Variants in FLVCR1 observed in about 807,000 individuals in gnomAD.
FLVCR1 encodes choline/ethanolamine transporter FLVCR1.
In FLVCR1, 34 loss-of-function variants were observed where a neutral mutation model predicts 53.6. The observed-to-expected ratio is 0.63, with a 90% CI of 0.48 to 0.84. The LOEUF (loss-of-function observed/expected upper bound fraction) is 0.84. Among genes scored for constraint, FLVCR1 ranks in the 40% least tolerant of loss-of-function variants. The pLI, the probability that FLVCR1 is intolerant of heterozygous loss-of-function variation, is 0.00. For missense variants in FLVCR1, 677 were observed against 696.7 expected, an observed-to-expected ratio of 0.97 and a Z score of 0.32; for synonymous variants, 300 against 286.3, an observed-to-expected ratio of 1.05 and a Z score of -0.48.
chr1:212,873,209 T>C (rs1252163948), intron 3 of FLVCR1, among the ~76,000 whole-genome samples: 4 of 151,110 alleles, frequency 2.6e-5, no homozygotes, highest in African/African-American at 9.7e-5. Flanking sequence ...GCTACTCAGG[T>C]GGCTGAGGCA....
At chr1:212,868,394 A>G (rs1202846536) in intron 2 of FLVCR1, among the ~76,000 whole-genome samples, 1 of 150,552 alleles carries the variant, frequency 6.6e-6, no homozygotes, top group Non-Finnish European at 1.5e-5. Flanking sequence ...TCTTAATTCA[A>G]GATATCTATA....
In FLVCR1 at chr1:212,858,304, G is replaced by A. The variant is rs1664081205; in HGVS notation, c.-149G>A. On this transcript the variant is annotated 5_prime_UTR_variant, in exon 1 of 10. Coordinates refer to ENST00000366971, the MANE Select transcript of FLVCR1 (RefSeq NM_014053.4). ...CTTCATCTGTTCACGCGGTAGCGCGGATTGCGGTTCGCGGCGCGCGCCACC... is the reference window on the plus strand; with the variant it reads ...CTTCATCTGTTCACGCGGTAGCGCGAATTGCGGTTCGCGGCGCGCGCCACC... 1 of 775,062 alleles carries A rather than the reference G, an allele frequency of 1.3e-6. No homozygotes were observed. The highest frequency in any genetic ancestry group is 2.0e-6 in the Non-Finnish European group (1 of 512,626). 48.0% of individuals were successfully genotyped at this position (775,062 alleles called of 1,614,324 possible). A position where few individuals can be genotyped will look rare whatever the true frequency, so the allele number is the denominator to read the frequency against.
chr1:212,879,213 G>T (rs1664853786), intron 3 of FLVCR1, among the ~76,000 whole-genome samples: 1 of 152,150 alleles, frequency 6.6e-6, no homozygotes, highest in African/African-American at 2.4e-5. Flanking sequence ...TTTGTTGAAG[G>T]AATTATAAGG....
rs1665402628 is a variant in FLVCR1 at position 212,898,642 on chromosome 1, G to A, written c.*3352G>A. On this transcript the variant is annotated 3_prime_UTR_variant, in exon 10 of 10. Transcript: ENST00000366971. ...TCTGTATTTTGAGTGAAAGTTGTCTGTAATATGTCAAGCAAGAATGTTATA... is the reference window on the plus strand; with the variant it reads ...TCTGTATTTTGAGTGAAAGTTGTCTATAATATGTCAAGCAAGAATGTTATA... The A allele has an allele frequency of 2.0e-5, 3 of 152,214 alleles. No individual in the cohort carries two copies. Among genetic ancestry groups the A allele is most frequent in the Admixed American group, 2.0e-4 (3 of 15,284 alleles). The allele number at this position is 152,214 out of a possible 1,614,324, so 9.4% of individuals were successfully genotyped here.
chr1:212,888,500 C>T lies in FLVCR1; in HGVS notation c.1319C>T (p.Thr440Ile). The change falls in exon 7 of 10, where the codon ACT becomes ATT. Residue 440 changes from threonine (T) to isoleucine (I), a missense_variant. By Grantham distance (89) the Thr-to-Ile change is moderately conservative (BLOSUM62 -1). Coordinates refer to ENST00000366971, the MANE Select transcript of FLVCR1 (RefSeq NM_014053.4). Reference sequence around the variant, plus strand: ...ATTTATTTTCCTAGCTTCTTCATGACTGGTTACCTCCCTTTGGGTTTTGAA... The same window carrying T: ...ATTTATTTTCCTAGCTTCTTCATGATTGGTTACCTCCCTTTGGGTTTTGAA... ...VTGGVLGFFM[T>I]GYLPLGFEFA... 1 of 1,612,266 alleles carries T rather than the reference C, an allele frequency of 6.2e-7. No individual in the cohort carries two copies. The highest frequency in any genetic ancestry group is 8.5e-7 in the Non-Finnish European group (1 of 1,178,428).
In FLVCR1 at chr1:212,895,406, TG is replaced by T; in HGVS notation, c.*117del. ...TGGTGGGGGAATAAACACACTTACT[TG>T]AAAATTACCATATGAACTCTAAATG... is the stretch of plus-strand genomic sequence containing the variant. On this transcript the variant is annotated 3_prime_UTR_variant, in exon 10 of 10. Transcript: ENST00000366971. 1 of 749,594 alleles carries T rather than the reference TG, an allele frequency of 1.3e-6. No individual in the cohort carries two copies. Among genetic ancestry groups the T allele is most frequent in the East Asian group, 2.6e-5 (1 of 37,832 alleles). 46.4% of individuals were successfully genotyped at this position (749,594 alleles called of 1,614,324 possible).
chr1:212,886,862 G>A (rs12566087), intron 5 of FLVCR1, among the ~76,000 whole-genome samples: 30,579 of 151,856 alleles, frequency 0.2, 3,862 homozygotes, highest in East Asian at 0.43. Flanking sequence ...CCACCAAAAG[G>A]CTAATACCAA....
intron 1 of FLVCR1, among the ~76,000 whole-genome samples, chr1:212,861,123 C>T (rs1664228230): frequency 6.6e-6 from 1 of 152,170 alleles, no homozygotes; most frequent in African/African-American, 2.4e-5. Flanking sequence ...CATATGGGAC[C>T]CTCCAGATCT....
In FLVCR1 at chr1:212,898,550, T is replaced by C. The variant is rs183392554; in HGVS notation, c.*3260T>C. 1.3e-4 allele frequency: 20 copies of C among 152,364 alleles called. No individual in the cohort carries two copies. Among genetic ancestry groups the C allele is most frequent in the Non-Finnish European group, 2.5e-4 (17 of 68,038 alleles). The allele number at this position is 152,364 out of a possible 1,614,324, so 9.4% of individuals were successfully genotyped here. A position where few individuals can be genotyped will look rare whatever the true frequency, so the allele number is the denominator to read the frequency against. Reference sequence around the variant, plus strand: ...GAAAAGCATATACATATATGTTATGTTTATTTTTCCTTGTTGATTAGAAAG... The same window carrying C: ...GAAAAGCATATACATATATGTTATGCTTATTTTTCCTTGTTGATTAGAAAG... On this transcript the variant is annotated 3_prime_UTR_variant, in exon 10 of 10. Coordinates refer to ENST00000366971, the MANE Select transcript of FLVCR1 (RefSeq NM_014053.4).
In FLVCR1 at chr1:212,897,475, T is replaced by G. The variant is rs1665372978; in HGVS notation, c.*2185T>G. 1 of 152,208 alleles carries G rather than the reference T, an allele frequency of 6.6e-6. No homozygotes were observed. Among genetic ancestry groups the G allele is most frequent in the African/African-American group, 2.4e-5 (1 of 41,382 alleles). The allele number at this position is 152,208 out of a possible 1,614,324, so 9.4% of individuals were successfully genotyped here. On this transcript the variant is annotated 3_prime_UTR_variant, in exon 10 of 10. Transcript: ENST00000366971. ...AGGCGGAGGCTACAGTGAGCTGAGATTGCGCCACTGCACTCCAGCCTGGGT... is the reference window on the plus strand; with the variant it reads ...AGGCGGAGGCTACAGTGAGCTGAGAGTGCGCCACTGCACTCCAGCCTGGGT...
Position 212,858,538 on chromosome 1 carries a change from C to T in FLVCR1, c.86C>T (p.Ala29Val). The T allele has an allele frequency of 6.8e-7, 1 of 1,463,398 alleles. No homozygotes were observed. The highest frequency in any genetic ancestry group is 9.0e-7 in the Non-Finnish European group (1 of 1,109,560). The allele number at this position is 1,463,398 out of a possible 1,614,324, so 90.7% of individuals were successfully genotyped here. A position where few individuals can be genotyped will look rare whatever the true frequency, so the allele number is the denominator to read the frequency against. ...GGATACCTCCCGTTGCCGAGGGGCG[C>T]GCCCGTTGGGAAGGAGAGCGTGGAG... ...AKGYLPLPRG[A>V]PVGKESVELQ... Residue 29 changes from alanine to valine, a missense_variant, in exon 1 of 10, where the codon GCG (alanine) becomes GTG (valine). Coordinates refer to ENST00000366971, the MANE Select transcript of FLVCR1 (RefSeq NM_014053.4).
In FLVCR1 at chr1:212,858,349, G is replaced by C. The variant is rs1195891357; in HGVS notation, c.-104G>C. 4 of 1,111,822 alleles carry C rather than the reference G, an allele frequency of 3.6e-6. No homozygotes were observed. The highest frequency in any genetic ancestry group is 4.9e-6 in the Non-Finnish European group (4 of 818,048). 68.9% of individuals were successfully genotyped at this position (1,111,822 alleles called of 1,614,324 possible). A position where few individuals can be genotyped will look rare whatever the true frequency, so the allele number is the denominator to read the frequency against. Reference sequence around the variant, plus strand: ...GCCACCGGGGAAGGAGCGGTGGGCCGAGGGGTTGGAGGTGGGGCCCCAGGA... The same window carrying C: ...GCCACCGGGGAAGGAGCGGTGGGCCCAGGGGTTGGAGGTGGGGCCCCAGGA... On this transcript the variant is annotated 5_prime_UTR_variant, in exon 1 of 10. Transcript: ENST00000366971.
intron 5 of FLVCR1, 91 bp downstream of exon 5, chr1:212,885,487 A>T (rs190679252): frequency 4.2e-4 from 381 of 897,716 alleles, no homozygotes; most frequent in Middle Eastern, 3.5e-3. Flanking sequence ...AATTTAAAAC[A>T]TGTTATTACT....
intron 1 of FLVCR1, 38 bp from the exon 2 acceptor site, chr1:212,863,686 TA>T: frequency 6.2e-7 from 1 of 1,604,742 alleles, no homozygotes; most frequent in Non-Finnish European, 8.5e-7. Context: ...CTTTTTTCTC[TA>T]ATGATAATAG....
chr1:212,895,169 G>T, intron 9 of FLVCR1, 47 bp from the exon 10 acceptor site: 1 of 1,446,798 alleles, frequency 6.9e-7, no homozygotes, highest in South Asian at 1.1e-5. Flanking sequence ...GTTATAATAG[G>T]ATATGCCAGA....
In FLVCR1 at chr1:212,858,962, C is replaced by G; in HGVS notation, c.510C>G (p.Thr170=). ...LIFPATWLLD[T]RGLRLTALLG... is the part of the protein sequence containing the mutation. ...TCCCGGCCACCTGGCTGCTGGACACCAGAGGCCTGCGGCTCACCGCCCTGC... is the reference window on the plus strand; with the variant it reads ...TCCCGGCCACCTGGCTGCTGGACACGAGAGGCCTGCGGCTCACCGCCCTGC... Residue 170 remains threonine (T), a synonymous_variant, in exon 1 of 10, where the codon ACC becomes ACG. Coordinates refer to ENST00000366971, the MANE Select transcript of FLVCR1 (RefSeq NM_014053.4). 2.5e-6 allele frequency: 4 copies of G among 1,614,186 alleles called. No individual in the cohort carries two copies. The South Asian group carries it at 3.3e-5, about 13-fold the overall frequency.
At chr1:212,880,473 C>G (rs751856592) in intron 3 of FLVCR1, among the ~76,000 whole-genome samples, 4 of 152,076 alleles carry the variant, frequency 2.6e-5, no homozygotes, top group Non-Finnish European at 5.9e-5. Context: ...AGAGACCTAC[C>G]TTGGGTGTCA....
intron 1 of FLVCR1, 164 bp from the exon 2 acceptor site, chr1:212,863,561 C>T (rs933368065): frequency 1.6e-6 from 1 of 624,798 alleles, no homozygotes; most frequent in South Asian, 1.9e-5. Context: ...TGCACTCCAG[C>T]CTGGGAGACA....
intron 4 of FLVCR1, 138 bp downstream of exon 4, chr1:212,883,576 T>C (rs756161960): frequency 1.6e-6 from 1 of 629,744 alleles, no homozygotes; most frequent in Non-Finnish European, 2.8e-6. Flanking sequence ...TAATTGAGAA[T>C]ATATTTGTTA....
Sources: gnomAD v4.1 joint callset for allele counts (sites outside exome capture counted in the v4.1 genomes callset) on GRCh38, gnomAD v4.1.1 for gene constraint, MANE v1.5 for transcripts, NCBI Gene and HGNC (gene_info 2026-07-23, HGNC 2026-07-21) for gene names.